RYR2: variants seen among roughly 807,000 people sequenced by gnomAD.
The protein encoded by RYR2 is ryanodine receptor 2, also known as cardiac muscle ryanodine receptor-calcium release channel.
Under a neutral mutation model 601.1 loss-of-function variants are expected in RYR2, and 227 were observed. The observed-to-expected ratio is 0.38, with a 90% CI of 0.34 to 0.42. The LOEUF is 0.42. Ranked by LOEUF, RYR2 falls within the 10% of genes least tolerant of loss-of-function variation. The pLI is 1.00. For missense variants in RYR2, 4,646 were observed against 6,156.5 expected, an observed-to-expected ratio of 0.75 and a Z score of 8.21; for synonymous variants, 2,223 against 2,175.1, an observed-to-expected ratio of 1.02 and a Z score of -0.61.
At chr1:237,160,954 CTG>C (rs1675944039) in intron 1 of RYR2, among the ~76,000 whole-genome samples, 1 of 152,056 alleles carries the variant, frequency 6.6e-6, no homozygotes, top group African/African-American at 2.4e-5. Flanking sequence ...TATGATGAGA[CTG>C]TGTTTAATTA....
chr1:237,402,422 G>T (rs186585656), intron 10 of RYR2, among the ~76,000 whole-genome samples: 163 of 151,246 alleles, frequency 1.1e-3, no homozygotes, highest in African/African-American at 3.9e-3. Context: ...ATATATGTAT[G>T]ATTATTATGT....
chr1:237,065,844 G>A (rs1663537881), intron 1 of RYR2, among the ~76,000 whole-genome samples: 1 of 152,186 alleles, frequency 6.6e-6, no homozygotes, highest in African/African-American at 2.4e-5. Flanking sequence ...CAATCATGGT[G>A]GAAGGTGAAG....
intron 63 of RYR2, among the ~76,000 whole-genome samples, chr1:237,695,035 A>T (rs1472092422): frequency 6.6e-6 from 1 of 152,238 alleles, no homozygotes; most frequent in Non-Finnish European, 1.5e-5. Context: ...GAGAGAAGTC[A>T]ACATTCTGTG....
intron 1 of RYR2, among the ~76,000 whole-genome samples, chr1:237,130,984 A>T (rs940653608): frequency 1.3e-5 from 2 of 152,110 alleles, no homozygotes; most frequent in African/African-American, 4.8e-5. Context: ...GAGAAGTGAG[A>T]AACTCTCCTG....
chr1:237,549,767 C>T (rs1670197712), intron 26 of RYR2, among the ~76,000 whole-genome samples: 1 of 150,650 alleles, frequency 6.6e-6, no homozygotes, highest in African/African-American at 2.4e-5. Flanking sequence ...GCAAATACTG[C>T]AGCAGGTCTC....
At chr1:237,232,418 G>A (rs1685098791) in intron 1 of RYR2, among the ~76,000 whole-genome samples, 1 of 152,166 alleles carries the variant, frequency 6.6e-6, no homozygotes, top group South Asian at 2.1e-4. Flanking sequence ...TGGGGGAGTG[G>A]AAGTTTCTAA....
chr1:237,690,493 T>C (rs972900706), intron 63 of RYR2, among the ~76,000 whole-genome samples: 1 of 152,256 alleles, frequency 6.6e-6, no homozygotes, highest in Admixed American at 6.5e-5. Flanking sequence ...TATTAGATTT[T>C]ATTAACTTAT....
At chr1:237,355,243 T>C (rs1189614351) in intron 3 of RYR2, among the ~76,000 whole-genome samples, 1 of 152,152 alleles carries the variant, frequency 6.6e-6, no homozygotes, top group Non-Finnish European at 1.5e-5. Context: ...ATTGAGTATG[T>C]CTCTCAATGT....
Position 237,660,076 on chromosome 1 carries a change from T to G in RYR2, c.8298+2T>G. ...CCATATAAGCTATTGTCTGAAAAGG[T>G]AAGGATTTTTTGTTTGTTTTAGTTT... On this transcript the variant is annotated splice_donor_variant, in intron 55 of 104. Coordinates refer to ENST00000366574, the MANE Select transcript of RYR2 (RefSeq NM_001035.3). LOFTEE classifies it high-confidence loss of function. 1 of 1,490,130 alleles carries G rather than the reference T, an allele frequency of 6.7e-7. No homozygotes were observed. The highest frequency in any genetic ancestry group is 9.0e-7 in the Non-Finnish European group (1 of 1,116,644). 92.3% of individuals were successfully genotyped at this position (1,490,130 alleles called of 1,614,324 possible).
chr1:237,495,363 A>G (rs1338582991), intron 19 of RYR2, among the ~76,000 whole-genome samples: 3 of 152,216 alleles, frequency 2.0e-5, no homozygotes, highest in Non-Finnish European at 4.4e-5. Context: ...TGTGCTGGAA[A>G]AATGGAAATT....
intron 1 of RYR2, among the ~76,000 whole-genome samples, chr1:237,066,353 A>G (rs115271431): frequency 0.014 from 2,188 of 152,202 alleles, 50 homozygotes; most frequent in African/African-American, 0.049. Context: ...AATGCCCAGG[A>G]ATATGTTTTG....
intron 1 of RYR2, among the ~76,000 whole-genome samples, chr1:237,049,645 G>A (rs866000761): frequency 2.6e-5 from 4 of 152,258 alleles, no homozygotes; most frequent in South Asian, 2.1e-4. Context: ...TGGATTACAG[G>A]CCCTGAAAGC....
intron 1 of RYR2, among the ~76,000 whole-genome samples, chr1:237,075,573 T>G (rs1664933844): frequency 2.9e-5 from 2 of 67,974 alleles, no homozygotes; most frequent in Non-Finnish European, 6.1e-5. Flanking sequence ...CAGACCGGCT[T>G]AAGAAACGGC....
At chr1:237,201,829 G>A (rs1040780216) in intron 1 of RYR2, among the ~76,000 whole-genome samples, 2 of 152,176 alleles carry the variant, frequency 1.3e-5, no homozygotes, top group Non-Finnish European at 2.9e-5. Flanking sequence ...ATCTGTTGGA[G>A]ATGGACTGGA....
rs794728718 is a variant in RYR2, at chr1:237,441,379, T to C, written c.1066T>C (p.Tyr356His). Reference sequence around the variant, plus strand: ...TGGCATGGGAACATCTGAAATAAAATACGGTGACTCAGTATGCTATATACA... The same window carrying C: ...TGGCATGGGAACATCTGAAATAAAACACGGTGACTCAGTATGCTATATACA... ...VDGMGTSEIK[Y>H]GDSVCYIQHV... The change falls in exon 13 of 105, where the codon TAC (tyrosine) becomes CAC (histidine). Residue 356 changes from tyrosine to histidine, a missense_variant. By Grantham distance (83) the Tyr-to-His change is moderately conservative (BLOSUM62 2). This residue lies in a region of RYR2 where 1,807 missense variants were observed against 2,088.1 expected (regional missense o/e 0.87). Transcript: ENST00000366574. 9 of 1,613,684 alleles carry C rather than the reference T, an allele frequency of 5.6e-6. No individual in the cohort carries two copies. Among genetic ancestry groups the C allele is most frequent in the African/African-American group, 1.3e-5 (1 of 74,916 alleles).
intron 40 of RYR2, 82 bp downstream of exon 40, chr1:237,625,886 G>A (rs1679593852): frequency 8.8e-6 from 13 of 1,470,662 alleles, no homozygotes; most frequent in Non-Finnish European, 1.2e-5. Flanking sequence ...TTTACTGGAT[G>A]AGCCAGTGAG....
At chr1:237,649,750 A>G in intron 49 of RYR2, 127 bp from the exon 50 acceptor site, 1 of 735,238 alleles carries the variant, frequency 1.4e-6, no homozygotes, top group Non-Finnish European at 2.2e-6. Context: ...TAACTAAAGA[A>G]TACATTTCCA....
intron 14 of RYR2, among the ~76,000 whole-genome samples, chr1:237,448,174 A>C (rs1209400321): frequency 6.6e-6 from 1 of 151,908 alleles, no homozygotes; most frequent in Non-Finnish European, 1.5e-5. Flanking sequence ...TGATCCACCC[A>C]CCTCGGCCTC....
chr1:237,756,108 G>A (rs1692929945), intron 80 of RYR2, among the ~76,000 whole-genome samples, 180 bp from the exon 81 acceptor site: 1 of 78,976 alleles, frequency 1.3e-5, no homozygotes, highest in African/African-American at 5.9e-5. Context: ...CTATAAAGGG[G>A]GAAAAAAAAA....
Sources: allele counts gnomAD v4.1 joint callset (sites outside exome capture counted in the v4.1 genomes callset), GRCh38; gene constraint gnomAD v4.1.1; regional missense constraint gnomAD v4.1.1; transcripts MANE v1.5; gene names NCBI Gene and HGNC (gene_info 2026-07-23, HGNC 2026-07-21).